SCN10A: variants seen among roughly 807,000 people sequenced by gnomAD.
SCN10A encodes sodium channel protein type 10 subunit alpha.
A neutral mutation model predicts 170.7 loss-of-function variants in SCN10A; 162 were observed. That is an observed-to-expected ratio of 0.95 (90% CI 0.84 to 1.08). SCN10A has a LOEUF of 1.08. Among genes scored for constraint, SCN10A ranks in the 50% least tolerant of loss-of-function variants. The pLI is 0.00. For synonymous variants in SCN10A, 985 were observed against 904.6 expected (o/e 1.09, Z -1.59); for missense variants, 2,527 against 2,436.9 (o/e 1.04, Z -0.78).
At chr3:38,708,055 G>A (rs997713363) in intron 25 of SCN10A, among the ~76,000 whole-genome samples, 10 of 152,126 alleles carry the variant, frequency 6.6e-5, no homozygotes, top group Non-Finnish European at 1.5e-4. Flanking sequence ...TTAGCTTCCT[G>A]ACATAATTTG....
intron 8 of SCN10A, 64 bp downstream of exon 8, chr3:38,760,617 G>A (rs2063858177): frequency 1.6e-6 from 2 of 1,282,712 alleles, no homozygotes; most frequent in African/African-American, 2.9e-5. Flanking sequence ...CCCATAATAT[G>A]CCAAGGACAA....
intron 10 of SCN10A, among the ~76,000 whole-genome samples, chr3:38,756,355 T>C (rs1373337474): frequency 6.6e-6 from 1 of 151,518 alleles, no homozygotes; most frequent in Admixed American, 6.6e-5. Context: ...GTGGTACAGG[T>C]CATGCCCCAG....
At chr3:38,812,032 C>T (rs1204758305) in intron 1 of SCN10A, among the ~76,000 whole-genome samples, 3 of 152,216 alleles carry the variant, frequency 2.0e-5, no homozygotes, top group Non-Finnish European at 4.4e-5. Flanking sequence ...ATGGTGACTG[C>T]CAATAAGCTC....
intron 1 of SCN10A, among the ~76,000 whole-genome samples, chr3:38,813,320 G>A (rs2126067372): frequency 6.6e-6 from 1 of 152,220 alleles, no homozygotes; most frequent in Middle Eastern, 3.4e-3. Context: ...TCACATTGTG[G>A]GCAGGGGAGT....
intron 13 of SCN10A, among the ~76,000 whole-genome samples, chr3:38,746,848 G>A (rs1301169689): frequency 1.3e-5 from 2 of 152,118 alleles, no homozygotes; most frequent in Admixed American, 6.5e-5. Context: ...CCAGCTTCTG[G>A]AATTCTGGCT....
At chr3:38,759,885 G>A (rs949214628) in intron 8 of SCN10A, among the ~76,000 whole-genome samples, 7 of 152,098 alleles carry the variant, frequency 4.6e-5, no homozygotes, top group Non-Finnish European at 1.0e-4. Flanking sequence ...TATGAATCTG[G>A]CCTCTGTAAG....
intron 4 of SCN10A, among the ~76,000 whole-genome samples, chr3:38,786,112 G>A (rs950525456): frequency 2.0e-5 from 3 of 152,176 alleles, no homozygotes; most frequent in African/African-American, 7.2e-5. Context: ...ATTTGACCCA[G>A]CAATTCCATT....
chr3:38,768,750 C>G (rs1465113526), intron 5 of SCN10A, among the ~76,000 whole-genome samples: 1 of 152,102 alleles, frequency 6.6e-6, no homozygotes, highest in Non-Finnish European at 1.5e-5. Flanking sequence ...TTTTTTGTGA[C>G]ACATTTCAGA....
At chr3:38,797,062 A>G (rs1014825455) in intron 1 of SCN10A, among the ~76,000 whole-genome samples, 2 of 152,098 alleles carry the variant, frequency 1.3e-5, no homozygotes, top group African/African-American at 4.8e-5. Context: ...TAATAGGAAT[A>G]TAAGGAACCA....
Position 38,733,948 on chromosome 3 carries a change from G to A in SCN10A, c.2281-5047C>T, listed in dbSNP as rs193235425. ...TTGGTCAGGCTGGTCTCGAACTCCC[G>A]ACCTCAGGTGATCCGCCTGCCTGCG... On this transcript the variant is annotated intron_variant, in intron 15 of 27. Transcript: ENST00000449082. Among the ~76,000 whole-genome samples the A allele has an allele frequency of 2.4e-3, 371 of 152,254 alleles. 1 individual carries two copies. Among genetic ancestry groups the A allele is most frequent in the African/African-American group, 8.5e-3 (355 of 41,548 alleles).
chr3:38,713,877 C>T, intron 22 of SCN10A, 81 bp downstream of exon 22: 4 of 1,568,212 alleles, frequency 2.6e-6, no homozygotes, highest in Non-Finnish European at 3.5e-6. Context: ...ATCCGCCCGC[C>T]TCAGCCTCCC....
At chr3:38,742,591 C>A in intron 13 of SCN10A, 62 bp from the exon 14 acceptor site, 2 of 1,254,288 alleles carry the variant, frequency 1.6e-6, no homozygotes, top group Non-Finnish European at 2.3e-6. Context: ...CCCAATTCTG[C>A]GGTCATCCTC....
At chr3:38,734,332 T>A (rs1559431499) in intron 15 of SCN10A, among the ~76,000 whole-genome samples, 1 of 149,540 alleles carries the variant, frequency 6.7e-6, no homozygotes, top group African/African-American at 2.4e-5. Context: ...CCCTTGGCTT[T>A]AAAAAAAAAA....
At position 38,701,954 on chromosome 3, in the gene SCN10A, G is replaced by C. The variant is rs1240027569; in HGVS notation, c.4542C>G (p.Phe1514Leu). 6.2e-7 allele frequency: 1 copy of C among 1,614,164 alleles called. No individual in the cohort carries two copies. The highest frequency in any genetic ancestry group is 8.5e-7 in the Non-Finnish European group (1 of 1,180,030). ...ATTCGCCTGTGAAGACGGCCACAAA[G>C]AACTGGTTGATTTTGCCCAGAATTT... is the stretch of plus-strand genomic sequence containing the variant. ...KTKILGKINQFFVAVFTGECV... is the reference protein window; with the variant it reads ...KTKILGKINQLFVAVFTGECV... Residue 1514 changes from phenylalanine to leucine, a missense_variant, in exon 27 of 28, where the codon TTC becomes TTG. By Grantham distance (22) the Phe-to-Leu change is conservative. Coordinates refer to ENST00000449082, the MANE Select transcript of SCN10A (RefSeq NM_006514.4).
chr3:38,752,403 C>T lies in SCN10A; in HGVS notation c.1571G>A (p.Gly524Glu). 2 of 1,613,924 alleles carry T rather than the reference C, an allele frequency of 1.2e-6. No homozygotes were observed. The highest frequency in any genetic ancestry group is 2.2e-5 in the South Asian group (2 of 90,996). ...ISLPEGVTDD[G>E]VFPGDHESHR... ...GCTTTCGTGGTCTCCAGGAAAGACT[C>T]CATCATCTGTGACTCCCTCAGGGAG... Residue 524 changes from glycine (G) to glutamate (E), a missense_variant, in exon 12 of 28, where the codon GGA becomes GAA. Transcript: ENST00000449082.
At chr3:38,811,398 A>T (rs1214565420) in intron 1 of SCN10A, among the ~76,000 whole-genome samples, 2 of 151,190 alleles carry the variant, frequency 1.3e-5, no homozygotes, top group African/African-American at 4.9e-5. Context: ...GGTTGCAGTG[A>T]GCCGATATTG....
chr3:38,812,270 G>A (rs1048769972), intron 1 of SCN10A, among the ~76,000 whole-genome samples: 1 of 152,128 alleles, frequency 6.6e-6, no homozygotes, highest in African/African-American at 2.4e-5. Flanking sequence ...ACAATCATAG[G>A]AGCATATCCT....
chr3:38,742,322 G>A lies in SCN10A; in HGVS notation c.2075C>T (p.Thr692Ile). The stretch of plus-strand genomic sequence containing the variant: ...GCCTATCTGGAGCATGGCTTCGAAG[G>A]TAGGGCTCATGCCATGGTGCTCCAT... ...MAMEHHGMSP[T>I]FEAMLQIGNI... is the part of the protein sequence containing the mutation. The change falls in exon 14 of 28, where the codon ACC becomes ATC. Residue 692 changes from threonine to isoleucine, a missense_variant. Physicochemically the swap from Thr to Ile is moderately conservative, Grantham distance 89. Transcript: ENST00000449082. 6.2e-7 allele frequency: 1 copy of A among 1,614,028 alleles called. No individual in the cohort carries two copies.
At position 38,750,192 on chromosome 3, in the gene SCN10A, G is replaced by A. The variant is rs773409661; in HGVS notation, c.1756-8C>T. 4 of 1,557,070 alleles carry A rather than the reference G, an allele frequency of 2.6e-6. No individual in the cohort carries two copies. The African/African-American group carries it at 5.4e-5, about 21-fold the overall frequency. ...TTGTCCTGCATCGAATGCCTGTTGA[G>A]ACACAAACAGAGTCAGGACGCTCCT... is the stretch of plus-strand genomic sequence containing the variant. On this transcript the variant is annotated splice_region_variant and splice_polypyrimidine_tract_variant and intron_variant, in intron 12 of 27. Transcript: ENST00000449082.
Sources: allele counts gnomAD v4.1 joint callset (sites outside exome capture counted in the v4.1 genomes callset), GRCh38; gene constraint gnomAD v4.1.1; transcripts MANE v1.5; gene names NCBI Gene and HGNC (gene_info 2026-07-23, HGNC 2026-07-21).